The following ERBB4 variants were observed in gnomAD, a reference collection of about 807,000 sequenced individuals.
The protein encoded by ERBB4 is receptor tyrosine-protein kinase erbB-4.
In ERBB4, 42 loss-of-function variants were observed where a neutral mutation model predicts 158.0. The observed-to-expected ratio is 0.27, with a 90% CI of 0.21 to 0.34. The LOEUF is 0.34. Ranked by LOEUF, ERBB4 falls within the 10% of genes least tolerant of loss-of-function variation. ERBB4 has a pLI of 1.00. For synonymous variants in ERBB4, 583 were observed against 558.7 expected (o/e 1.04, Z -0.61); for missense variants, 1,333 against 1,624.1 (o/e 0.82, Z 3.08).
At chr2:212,478,563 G>C (rs539940021) in intron 1 of ERBB4, among the ~76,000 whole-genome samples, 1 of 152,122 alleles carries the variant, frequency 6.6e-6, no homozygotes, top group African/African-American at 2.4e-5. Context: ...AGAGAGATGA[G>C]GAAAGGGAAA....
At chr2:212,382,565 T>A (rs2090543865) in intron 1 of ERBB4, among the ~76,000 whole-genome samples, 1 of 150,886 alleles carries the variant, frequency 6.6e-6, no homozygotes. Context: ...TATATGTATA[T>A]TTTCCCTGAA....
At chr2:211,607,860 A>C (rs904041815) in intron 19 of ERBB4, among the ~76,000 whole-genome samples, 10 of 143,406 alleles carry the variant, frequency 7.0e-5, no homozygotes, top group Non-Finnish European at 1.5e-4. Flanking sequence ...ACTTTTTCGC[A>C]TCAGATTTTT....
Position 211,621,241 on chromosome 2 carries a change from T to C in ERBB4, c.2203-1966A>G, listed in dbSNP as rs183665870. ...TTCATTATTTCATTCATTATTTCAC[T>C]ATTTTCTGGGACTGACTAGTTAAAA... is the stretch of plus-strand genomic sequence containing the variant. On this transcript the variant is annotated intron_variant, in intron 18 of 27. Transcript: ENST00000342788. Among the ~76,000 whole-genome samples, 530 of 152,232 alleles carry C rather than the reference T, an allele frequency of 3.5e-3. 4 individuals carry two copies. Among genetic ancestry groups the C allele is most frequent in the South Asian group, 0.018 (88 of 4,826 alleles).
At chr2:211,749,513 C>T (rs952591834) in intron 5 of ERBB4, among the ~76,000 whole-genome samples, 3 of 141,962 alleles carry the variant, frequency 2.1e-5, no homozygotes, top group Non-Finnish European at 3.2e-5. Flanking sequence ...GTGGGACCCA[C>T]GTGGGAAGAT....
intron 2 of ERBB4, among the ~76,000 whole-genome samples, chr2:212,005,721 C>T (rs900508857): frequency 1.3e-5 from 2 of 152,114 alleles, no homozygotes; most frequent in African/African-American, 4.8e-5. Flanking sequence ...ATAAAAGTAG[C>T]TCAAGCATTA....
chr2:211,574,970 C>T (rs10174916), intron 19 of ERBB4, among the ~76,000 whole-genome samples: 124,070 of 152,162 alleles, frequency 0.82, 50,681 homozygotes, highest in East Asian at 0.91. Flanking sequence ...CCTGAACTCA[C>T]TGAGTTCTCA....
chr2:211,389,129 G>A (rs1247558120), intron 25 of ERBB4, among the ~76,000 whole-genome samples: 3 of 152,034 alleles, frequency 2.0e-5, no homozygotes, highest in Non-Finnish European at 2.9e-5. Context: ...TCCGCCTCCC[G>A]GGTTCACGCC....
intron 3 of ERBB4, among the ~76,000 whole-genome samples, chr2:211,808,606 T>C (rs1285833456): frequency 6.6e-6 from 1 of 152,228 alleles, no homozygotes; most frequent in Non-Finnish European, 1.5e-5. Context: ...GTCTTGGCAA[T>C]GCAGGCTCTT....
Position 211,588,461 on chromosome 2 carries a change from T to C in ERBB4, c.2302-26373A>G, listed in dbSNP as rs111274994. Among the ~76,000 whole-genome samples, 592 of 152,298 alleles carry C rather than the reference T, an allele frequency of 3.9e-3. 4 individuals carry two copies. The highest frequency in any genetic ancestry group is 0.013 in the African/African-American group (545 of 41,582). The stretch of plus-strand genomic sequence containing the variant: ...ACAATCTAATAGGTAGCTAAAAGAA[T>C]GAGAAAATCCAAATTTTCTTTCTTT... On this transcript the variant is annotated intron_variant, in intron 19 of 27. Transcript: ENST00000342788.
At chr2:211,765,911 G>A (rs897576241) in intron 4 of ERBB4, among the ~76,000 whole-genome samples, 1 of 152,046 alleles carries the variant, frequency 6.6e-6, no homozygotes, top group African/African-American at 2.4e-5. Context: ...TTGAATTGAT[G>A]CCACAGAAAA....
chr2:211,767,289 G>C (rs2075575178), intron 4 of ERBB4, among the ~76,000 whole-genome samples: 2 of 152,026 alleles, frequency 1.3e-5, no homozygotes, highest in African/African-American at 4.8e-5. Context: ...AAATAGAAGA[G>C]AGTAATACTG....
intron 1 of ERBB4, among the ~76,000 whole-genome samples, chr2:212,418,958 G>A (rs937340247): frequency 6.6e-6 from 1 of 151,816 alleles, no homozygotes; most frequent in African/African-American, 2.4e-5. Context: ...AAACATGAAA[G>A]CTTCAAAGAA....
At chr2:211,575,651 A>G (rs902502872) in intron 19 of ERBB4, among the ~76,000 whole-genome samples, 19 of 152,162 alleles carry the variant, frequency 1.2e-4, no homozygotes, top group Non-Finnish European at 1.9e-4. Context: ...GAATAATCTC[A>G]GTTAATTAAT....
At chr2:211,798,629 A>C (rs2105883628) in intron 3 of ERBB4, among the ~76,000 whole-genome samples, 1 of 152,238 alleles carries the variant, frequency 6.6e-6, no homozygotes, top group South Asian at 2.1e-4. Context: ...AGCTTTGTCT[A>C]AACTATTTTA....
At chr2:212,445,397 C>T (rs1327338934) in intron 1 of ERBB4, among the ~76,000 whole-genome samples, 1 of 152,088 alleles carries the variant, frequency 6.6e-6, no homozygotes, top group African/African-American at 2.4e-5. Context: ...TTCTGCTGGC[C>T]TAGAGGTCTT....
intron 12 of ERBB4, among the ~76,000 whole-genome samples, chr2:211,691,681 C>G (rs2072827052): frequency 1.3e-5 from 2 of 151,396 alleles, no homozygotes; most frequent in Admixed American, 1.3e-4. Flanking sequence ...ATTAGGTCAG[C>G]CCACAGAAGA....
rs942120413 is a variant in ERBB4, at chr2:211,377,623, A to G, written c.*5992T>C. 5 of 232,440 alleles carry G rather than the reference A, an allele frequency of 2.2e-5. No homozygotes were observed. Among genetic ancestry groups the G allele is most frequent in the Non-Finnish European group, 3.4e-5 (4 of 117,618 alleles). 14.4% of individuals were successfully genotyped at this position (232,440 alleles called of 1,614,324 possible). ...GAATAGCCTTTACCTTTATGATAAT[A>G]AGACTCCTCATTTGGGAGAAAAAAA... On this transcript the variant is annotated 3_prime_UTR_variant, in exon 28 of 28. Transcript: ENST00000342788.
intron 1 of ERBB4, among the ~76,000 whole-genome samples, chr2:212,450,517 A>G (rs1396210795): frequency 6.6e-6 from 1 of 152,198 alleles, no homozygotes; most frequent in Non-Finnish European, 1.5e-5. Context: ...AGGCACCAGA[A>G]GCTGAAAAAG....
chr2:212,411,788 C>G (rs1420148089), intron 1 of ERBB4, among the ~76,000 whole-genome samples: 5 of 152,074 alleles, frequency 3.3e-5, no homozygotes, highest in Non-Finnish European at 1.5e-5. Flanking sequence ...AGGGTGAATG[C>G]AGCAGTCTTA....
Sources: gnomAD v4.1 joint callset for allele counts (sites outside exome capture counted in the v4.1 genomes callset) on GRCh38, gnomAD v4.1.1 for gene constraint, MANE v1.5 for transcripts, NCBI Gene and HGNC (gene_info 2026-07-23, HGNC 2026-07-21) for gene names.